ADAMTS9: variants seen among roughly 807,000 people sequenced by gnomAD.
ADAMTS9 encodes the protein A disintegrin and metalloproteinase with thrombospondin motifs 9.
Under a neutral mutation model 257.1 loss-of-function variants are expected in ADAMTS9, and 107 were observed. The observed-to-expected ratio is 0.42, with a 90% CI of 0.36 to 0.49. The LOEUF (loss-of-function observed/expected upper bound fraction) is 0.49, where lower values mean the gene tolerates loss of function less well. ADAMTS9 is among the 20% of genes least tolerant of loss of function. The probability of loss-of-function intolerance (pLI) is 0.03; values close to 1 mark genes in which losing one functional copy is unlikely to be tolerated. For synonymous variants in ADAMTS9, 982 were observed against 880.9 expected (o/e 1.11, Z -2.03); for missense variants, 2,353 against 2,469.1 (o/e 0.95, Z 1.00).
chr3:64,575,258 G>C (rs771016522), intron 28 of ADAMTS9, among the ~76,000 whole-genome samples: 4 of 152,184 alleles, frequency 2.6e-5, no homozygotes, highest in Non-Finnish European at 4.4e-5. Flanking sequence ...GCATCTCAAA[G>C]ATTATTCTGT....
chr3:64,621,248 G>A lies in ADAMTS9; in HGVS notation c.2687-8C>T, dbSNP rs1204554121. The A allele has an allele frequency of 6.2e-7, 1 of 1,601,942 alleles. No individual in the cohort carries two copies. The highest frequency in any genetic ancestry group is 8.5e-7 in the Non-Finnish European group (1 of 1,176,368). On this transcript the variant is annotated splice_region_variant and splice_polypyrimidine_tract_variant and intron_variant, in intron 18 of 39. Coordinates refer to ENST00000498707, the MANE Select transcript of ADAMTS9 (RefSeq NM_182920.2). ...GTTTTCGTTTCCGTTCCCCTAAGCA[G>A]AAAGGGAAAAAAAATTATTCAGGGA...
chr3:64,593,940 C>T (rs1282351650), intron 28 of ADAMTS9, among the ~76,000 whole-genome samples: 1 of 120,302 alleles, frequency 8.3e-6, no homozygotes, highest in Non-Finnish European at 1.6e-5. Context: ...GTTAAAATCA[C>T]TATGTATGTG....
At chr3:64,601,210 T>C (rs951886982) in intron 26 of ADAMTS9, among the ~76,000 whole-genome samples, 1 of 152,240 alleles carries the variant, frequency 6.6e-6, no homozygotes, top group South Asian at 2.1e-4. Flanking sequence ...TCTCACTCTG[T>C]GGCAGGCGGG....
chr3:64,656,937 T>A (rs1701090016), intron 4 of ADAMTS9, among the ~76,000 whole-genome samples: 1 of 96,042 alleles, frequency 1.0e-5, no homozygotes, highest in African/African-American at 3.5e-5. Flanking sequence ...AAGTTTCAGT[T>A]CAGGTAAATC....
intron 26 of ADAMTS9, among the ~76,000 whole-genome samples, chr3:64,598,321 T>A (rs2084400347): frequency 1.2e-5 from 1 of 86,422 alleles, no homozygotes; most frequent in Non-Finnish European, 2.2e-5. Context: ...CATTTCCTAT[T>A]TTTTTTTTTT....
chr3:64,603,881 T>A lies in ADAMTS9; in HGVS notation c.3747+41A>T, dbSNP rs776179942. On this transcript the variant is annotated intron_variant, in intron 25 of 39. Transcript: ENST00000498707. ...GCTGACTCCTCATAGCCCTCAATGTTTCCCCCATTCCCCCTAATTCCAAAT... is the reference window on the plus strand; with the variant it reads ...GCTGACTCCTCATAGCCCTCAATGTATCCCCCATTCCCCCTAATTCCAAAT... 1.5e-5 allele frequency: 24 copies of A among 1,607,134 alleles called. 1 individual carries two copies. Among genetic ancestry groups the A allele is most frequent in the Non-Finnish European group, 2.0e-5 (24 of 1,175,024 alleles).
At chr3:64,685,725 C>T (rs1056523256) in intron 2 of ADAMTS9, among the ~76,000 whole-genome samples, 3 of 152,180 alleles carry the variant, frequency 2.0e-5, no homozygotes, top group African/African-American at 7.2e-5. Context: ...CTGCCTCAGT[C>T]CCTAGGGAAA....
intron 39 of ADAMTS9, 107 bp from the exon 40 acceptor site, chr3:64,517,228 T>C (rs1208354478): frequency 2.6e-5 from 4 of 152,236 alleles, no homozygotes; most frequent in Non-Finnish European, 5.9e-5. Context: ...TAACACTTAT[T>C]ATTTTCTCTA....
Position 64,686,920 on chromosome 3 carries a change from C to T in ADAMTS9, c.164G>A (p.Arg55Gln), listed in dbSNP as rs760394375. ...LSEYEIVSPI[R>Q]VNALGEPFPT... Reference sequence around the variant, plus strand: ...AAAGGGTTCTCCGAGAGCGTTCACTCGGATGGGAGACACGATTTCGTATTC... The same window carrying T: ...AAAGGGTTCTCCGAGAGCGTTCACTTGGATGGGAGACACGATTTCGTATTC... Residue 55 changes from arginine (R) to glutamine (Q), a missense_variant, in exon 2 of 40, where the codon CGA (arginine) becomes CAA (glutamine). By Grantham distance (43) the Arg-to-Gln change is conservative. Coordinates refer to ENST00000498707, the MANE Select transcript of ADAMTS9 (RefSeq NM_182920.2). The surrounding 1 kb of genome is among the most constrained non-coding windows in gnomAD (Gnocchi z 4.6). 5 of 1,614,052 alleles carry T rather than the reference C, an allele frequency of 3.1e-6. No homozygotes were observed. The highest frequency in any genetic ancestry group is 4.2e-6 in the Non-Finnish European group (5 of 1,180,048).
intron 30 of ADAMTS9, among the ~76,000 whole-genome samples, chr3:64,555,119 T>C (rs1317548141): frequency 2.0e-5 from 3 of 152,276 alleles, no homozygotes; most frequent in South Asian, 2.1e-4. Context: ...TGTTGCACAG[T>C]GTATGGACGG....
intron 16 of ADAMTS9, among the ~76,000 whole-genome samples, chr3:64,623,520 C>G (rs924280305): frequency 6.6e-6 from 1 of 152,192 alleles, no homozygotes; most frequent in South Asian, 2.1e-4. Flanking sequence ...GCCAGAAACA[C>G]CCGTATATGC....
chr3:64,673,996 G>A (rs529085832), intron 3 of ADAMTS9, among the ~76,000 whole-genome samples: 43 of 151,868 alleles, frequency 2.8e-4, no homozygotes, highest in African/African-American at 8.4e-4. Flanking sequence ...ATGAATAAGT[G>A]GGAACAAATG....
chr3:64,630,038 T>C lies in ADAMTS9; in HGVS notation c.2389+1417A>G, dbSNP rs375901677. Among the ~76,000 whole-genome samples the C allele has an allele frequency of 8.2e-5, 12 of 146,130 alleles. No individual in the cohort carries two copies. In the South Asian group the frequency reaches 2.7e-3, roughly 32 times the overall value. On this transcript the variant is annotated intron_variant, in intron 16 of 39. Coordinates refer to ENST00000498707, the MANE Select transcript of ADAMTS9 (RefSeq NM_182920.2). ...CAGATGAATAAATAGAGTTCCTGCC[T>C]GGATATTACAATAAAGAAAGTACAT... is the stretch of plus-strand genomic sequence containing the variant.
intron 9 of ADAMTS9, chr3:64,650,578 G>A (rs1442955276): frequency 6.3e-6 from 1 of 158,344 alleles, no homozygotes; most frequent in African/African-American, 2.4e-5. Flanking sequence ...ACTCAACAAT[G>A]TGGGAGCTGC....
intron 19 of ADAMTS9, 44 bp from the exon 20 acceptor site, chr3:64,616,214 T>A (rs749898593): frequency 6.3e-7 from 1 of 1,594,862 alleles, no homozygotes; most frequent in Non-Finnish European, 8.6e-7. Context: ...CTGTTAAAAA[T>A]ATATGCCTTA....
At chr3:64,646,442 TC>T (rs1700789453) in intron 11 of ADAMTS9, among the ~76,000 whole-genome samples, 1 of 152,170 alleles carries the variant, frequency 6.6e-6, no homozygotes, top group Non-Finnish European at 1.5e-5. Flanking sequence ...TTGCAAAGAT[TC>T]AACATGTCTT....
chr3:64,604,857 C>T (rs554774773), intron 23 of ADAMTS9, among the ~76,000 whole-genome samples: 4 of 152,254 alleles, frequency 2.6e-5, no homozygotes, highest in African/African-American at 9.6e-5. Context: ...CATATAACAC[C>T]CCTCAATCAT....
intron 8 of ADAMTS9, among the ~76,000 whole-genome samples, chr3:64,651,947 A>C (rs1430422541): frequency 6.6e-6 from 1 of 152,228 alleles, no homozygotes. Flanking sequence ...ATGCAGCAGC[A>C]TGAACACATA....
At chr3:64,553,116 A>C (rs888248843) in intron 30 of ADAMTS9, among the ~76,000 whole-genome samples, 2 of 152,084 alleles carry the variant, frequency 1.3e-5, no homozygotes, top group African/African-American at 4.8e-5. Flanking sequence ...CCTTTAGGAC[A>C]TTTGCAATAT....
Sources: allele counts gnomAD v4.1 joint callset (sites outside exome capture counted in the v4.1 genomes callset), GRCh38; gene constraint gnomAD v4.1.1; non-coding constraint Gnocchi (gnomAD v3.1); transcripts MANE v1.5; gene names NCBI Gene and HGNC (gene_info 2026-07-23, HGNC 2026-07-21).